INPP5B: variants seen among roughly 807,000 people sequenced by gnomAD.
INPP5B encodes the protein type II inositol 1,4,5-trisphosphate 5-phosphatase.
A neutral mutation model predicts 118.5 loss-of-function variants in INPP5B; 90 were observed. The observed-to-expected ratio is 0.76, with a 90% CI of 0.64 to 0.90. The LOEUF is 0.90. Among genes scored for constraint, INPP5B ranks in the 40% least tolerant of loss-of-function variants. The pLI is 0.00. For missense variants in INPP5B, 984 were observed against 1,125.6 expected (o/e 0.87, Z 1.80); for synonymous variants, 385 against 418.9 (o/e 0.92, Z 0.99).
At chr1:37,932,174 A>C (rs1380731852) in intron 6 of INPP5B, 121 bp from the exon 7 acceptor site, 12 of 894,962 alleles carry the variant, frequency 1.3e-5, no homozygotes, top group African/African-American at 5.3e-5. Context: ...TTCTGTGCGC[A>C]CTGAGGTTCA....
At chr1:37,913,691 C>G (rs547008911) in intron 7 of INPP5B, among the ~76,000 whole-genome samples, 107 of 152,260 alleles carry the variant, frequency 7.0e-4, no homozygotes, top group African/African-American at 2.4e-3. Flanking sequence ...AGAAACATTG[C>G]TCATTATCTC....
chr1:37,889,601 A>T lies in INPP5B; in HGVS notation c.753T>A (p.His251Gln), dbSNP rs759219879. ...FGLRDTIVKS[H>Q]LLQKEEDYTY... ...TGTAATCCTCTTCTTTCTGTAGTAG[A>T]TGTGATTTCACAATTGTATCTCGCA... is the stretch of plus-strand genomic sequence containing the variant. Residue 251 changes from histidine to glutamine, a missense_variant, in exon 9 of 24, where the codon CAT (histidine) becomes CAA (glutamine). His to Gln is a conservative substitution (Grantham distance 24). Around this residue, in one of 2 missense-constraint regions of INPP5B, gnomAD observed 350 missense variants for 334.6 expected, o/e 1.05. Coordinates refer to ENST00000373024, the MANE Select transcript of INPP5B (RefSeq NM_005540.3). The T allele has an allele frequency of 3.4e-5, 55 of 1,613,906 alleles. No individual in the cohort carries two copies. Among genetic ancestry groups the T allele is most frequent in the Non-Finnish European group, 4.4e-5 (52 of 1,179,940 alleles).
At position 37,885,533 on chromosome 1, in the gene INPP5B, A is replaced by G. The variant is rs562999708; in HGVS notation, c.1319+105T>C. The G allele has an allele frequency of 1.2e-4, 105 of 905,432 alleles. No individual in the cohort carries two copies. The East Asian group carries it at 2.2e-3, about 19-fold the overall frequency. The allele number at this position is 905,432 out of a possible 1,614,324, so 56.1% of individuals were successfully genotyped here. ...TAACCAAGAGGTGGGAGCTACCACC[A>G]TTGCAGCAATAGGAAACCACCACCA... On this transcript the variant is annotated intron_variant, in intron 13 of 23. Coordinates refer to ENST00000373024, the MANE Select transcript of INPP5B (RefSeq NM_005540.3).
intron 7 of INPP5B, among the ~76,000 whole-genome samples, chr1:37,916,253 C>G (rs1644856863): frequency 6.6e-6 from 1 of 151,784 alleles, no homozygotes; most frequent in Non-Finnish European, 1.5e-5. Flanking sequence ...ACCACTACAC[C>G]CAGCTTATTT....
At chr1:37,871,113 G>A (rs765836954) in intron 19 of INPP5B, among the ~76,000 whole-genome samples, 44 of 145,880 alleles carry the variant, frequency 3.0e-4, no homozygotes, top group Non-Finnish European at 6.4e-4. Flanking sequence ...AGCCCAGATC[G>A]TGCCACTGCA....
chr1:37,873,833 T>C (rs370368592), intron 18 of INPP5B, among the ~76,000 whole-genome samples, 160 bp downstream of exon 18: 5 of 152,360 alleles, frequency 3.3e-5, no homozygotes, highest in African/African-American at 9.6e-5. Flanking sequence ...CTCACTATTT[T>C]CTATTTTATT....
At chr1:37,889,750 A>T in intron 8 of INPP5B, 26 bp from the exon 9 acceptor site, 1 of 1,578,686 alleles carries the variant, frequency 6.3e-7, no homozygotes, top group Non-Finnish European at 8.7e-7. Context: ...TATTTTTTTC[A>T]TATGTGGATG....
At chr1:37,885,227 C>T (rs61776664) in intron 13 of INPP5B, 43,513 of 155,020 alleles carry the variant, frequency 0.28, 6,149 homozygotes, top group Middle Eastern at 0.39. Flanking sequence ...TCCTGGCTAA[C>T]ACAGTGAAAC....
At position 37,878,191 on chromosome 1, in the gene INPP5B, G is replaced by A. The variant is rs141357169; in HGVS notation, c.1674C>T (p.Ile558=). 5,057 of 1,613,862 alleles carry A rather than the reference G, an allele frequency of 3.1e-3. 5 individuals are homozygous for A. The highest frequency in any genetic ancestry group is 4.1e-3 in the Non-Finnish European group (4,818 of 1,179,880). The change falls in exon 16 of 24, where the codon ATC becomes ATT. Residue 558 remains isoleucine, a synonymous_variant. Coordinates refer to ENST00000373024, the MANE Select transcript of INPP5B (RefSeq NM_005540.3). ...ACAGGTACCAGCTGCCACCTACCCC[G>A]ATGTCAAACACTGAGCTGACAGGCT... ...DHKPVSSVFD[I]GVRVVNDELY...
At chr1:37,902,966 C>T (rs548898721) in intron 7 of INPP5B, among the ~76,000 whole-genome samples, 1 of 150,496 alleles carries the variant, frequency 6.6e-6, no homozygotes, top group South Asian at 2.1e-4. Flanking sequence ...CTGGGCACTA[C>T]AGTGAGACCC....
At chr1:37,863,386 G>A (rs1009485788) in intron 23 of INPP5B, among the ~76,000 whole-genome samples, 6 of 151,986 alleles carry the variant, frequency 3.9e-5, no homozygotes, top group South Asian at 4.2e-4. Flanking sequence ...ATGGTGGTGC[G>A]CGCCTGTAGT....
chr1:37,875,686 T>C lies in INPP5B; in HGVS notation c.1708A>G (p.Lys570Glu). ...VRVVNDELYR[K>E]TLEEIVRSLD... The stretch of plus-strand genomic sequence containing the variant: ...GAGCGAACAATTTCCTCCAGTGTCT[T>C]CCGGTAAAGCTCGTCATTTACGACC... Residue 570 changes from lysine (K) to glutamate (E), a missense_variant, in exon 17 of 24, where the codon AAG (lysine) becomes GAG (glutamate). Coordinates refer to ENST00000373024, the MANE Select transcript of INPP5B (RefSeq NM_005540.3). 6.2e-7 allele frequency: 1 copy of C among 1,614,164 alleles called. No homozygotes were observed. Among genetic ancestry groups the C allele is most frequent in the South Asian group, 1.1e-5 (1 of 91,088 alleles).
chr1:37,897,826 C>G (rs1396998885), intron 7 of INPP5B, among the ~76,000 whole-genome samples: 1 of 152,012 alleles, frequency 6.6e-6, no homozygotes, highest in Non-Finnish European at 1.5e-5. Context: ...GTCCTAGCTA[C>G]TTGGGAGGCT....
chr1:37,942,830 A>G (rs1645982241), intron 5 of INPP5B, among the ~76,000 whole-genome samples: 1 of 150,104 alleles, frequency 6.7e-6, no homozygotes, highest in Non-Finnish European at 1.5e-5. Context: ...AATCACTTGA[A>G]CCTGGGAGGC....
At chr1:37,905,958 C>A (rs1045655155) in intron 7 of INPP5B, among the ~76,000 whole-genome samples, 1 of 152,124 alleles carries the variant, frequency 6.6e-6, no homozygotes, top group South Asian at 2.1e-4. Context: ...AAAATTTAGA[C>A]CGTATTTGTT....
intron 7 of INPP5B, among the ~76,000 whole-genome samples, chr1:37,900,475 G>A (rs1270563094): frequency 6.6e-6 from 1 of 150,932 alleles, no homozygotes; most frequent in Admixed American, 6.6e-5. Context: ...GGCTGGTCTT[G>A]AACTCCTGAC....
Position 37,891,366 on chromosome 1 carries a change from C to G in INPP5B, c.621G>C (p.Leu207Phe), listed in dbSNP as rs375327725. ...AGGGAGAGTTGCATTACCTTGGTTG[C>G]AAGCTTTCTGGTTTATCTTGACCCC... is the stretch of plus-strand genomic sequence containing the variant. The part of the protein sequence containing the change: ...SSRGQDKPES[L>F]QPRQNKSKSE... The change falls in exon 8 of 24, where the codon TTG becomes TTC. Residue 207 changes from leucine to phenylalanine, a missense_variant. Around this residue, in one of 2 missense-constraint regions of INPP5B, gnomAD observed 350 missense variants for 334.6 expected, o/e 1.05. Transcript: ENST00000373024. The G allele has an allele frequency of 1.2e-6, 2 of 1,613,410 alleles. No individual in the cohort carries two copies. Among genetic ancestry groups the G allele is most frequent in the African/African-American group, 2.7e-5 (2 of 74,896 alleles).
At chr1:37,936,837 G>A (rs1006961616) in intron 6 of INPP5B, among the ~76,000 whole-genome samples, 3 of 151,534 alleles carry the variant, frequency 2.0e-5, no homozygotes, top group Admixed American at 6.6e-5. Flanking sequence ...AAACTGCTGG[G>A]ATTACAGGCA....
intron 7 of INPP5B, among the ~76,000 whole-genome samples, chr1:37,898,545 T>A (rs1644208712): frequency 6.6e-6 from 1 of 151,822 alleles, no homozygotes; most frequent in Admixed American, 6.6e-5. Flanking sequence ...AATACAAATA[T>A]TTAGCCGGGA....
Sources: allele counts gnomAD v4.1 joint callset (sites outside exome capture counted in the v4.1 genomes callset), GRCh38; gene constraint gnomAD v4.1.1; regional missense constraint gnomAD v4.1.1; transcripts MANE v1.5; gene names NCBI Gene and HGNC (gene_info 2026-07-23, HGNC 2026-07-21).